Variants in SLC17A1 observed in about 807,000 individuals in gnomAD.
The protein encoded by SLC17A1 is sodium-dependent phosphate transport protein 1.
In SLC17A1, 51 loss-of-function variants were observed where a neutral mutation model predicts 53.5. The observed-to-expected ratio is 0.95, with a 90% CI of 0.76 to 1.20. The LOEUF (loss-of-function observed/expected upper bound fraction) is 1.20. Among genes scored for constraint, SLC17A1 ranks in the 50% most tolerant of loss-of-function variants. SLC17A1 has a pLI of 0.00. For synonymous variants in SLC17A1, 179 were observed against 198.8 expected, an observed-to-expected ratio of 0.90 and a Z score of 0.84; for missense variants, 538 against 568.2, an observed-to-expected ratio of 0.95 and a Z score of 0.54.
intron 10 of SLC17A1, among the ~76,000 whole-genome samples, chr6:25,803,661 C>A (rs566000160): frequency 6.6e-6 from 1 of 151,990 alleles, no homozygotes; most frequent in Non-Finnish European, 1.5e-5. Flanking sequence ...ATTTTGAGCT[C>A]AAAATTAAGT....
intron 12 of SLC17A1, among the ~76,000 whole-genome samples, chr6:25,793,540 AT>A (rs1763545846): frequency 1.3e-5 from 2 of 152,108 alleles, no homozygotes; most frequent in African/African-American, 4.8e-5. Flanking sequence ...GGTGCCTGGA[AT>A]TATCCTGTTT....
At chr6:25,813,454 C>G (rs1026988749) in intron 6 of SLC17A1, among the ~76,000 whole-genome samples, 3 of 152,198 alleles carry the variant, frequency 2.0e-5, no homozygotes, top group African/African-American at 7.2e-5. Context: ...CCACTCCTGA[C>G]AGCTGGACCT....
At chr6:25,816,363 G>A (rs1452725989) in intron 6 of SLC17A1, among the ~76,000 whole-genome samples, 9 of 152,234 alleles carry the variant, frequency 5.9e-5, no homozygotes. Flanking sequence ...CCAGTTGAAT[G>A]GATGTTGGGA....
At chr6:25,775,641 T>A in the SLC17A1 span, among the ~76,000 whole-genome samples, 2 of 152,048 alleles carry the variant, frequency 1.3e-5, no homozygotes. Flanking sequence ...TTGGCTAGGC[T>A]GGTCTCGAAC....
chr6:25,770,580 CT>C, the SLC17A1 span: 6 of 1,033,080 alleles, frequency 5.8e-6, no homozygotes, highest in Admixed American at 9.0e-5. Context: ...CTTCATAGTC[CT>C]TTCCTTAAAG....
chr6:25,757,613 T>C, the SLC17A1 span, among the ~76,000 whole-genome samples: 2 of 152,146 alleles, frequency 1.3e-5, no homozygotes, highest in African/African-American at 4.8e-5. Context: ...GTTGGTTTCT[T>C]GATCCCTTTC....
the SLC17A1 span, chr6:25,731,836 G>A: frequency 3.7e-6 from 6 of 1,602,466 alleles, no homozygotes; most frequent in Middle Eastern, 1.7e-4. Flanking sequence ...GACACAACGT[G>A]CTTGGCTAGT....
At chr6:25,769,853 A>G in the SLC17A1 span, among the ~76,000 whole-genome samples, 1 of 151,414 alleles carries the variant, frequency 6.6e-6, no homozygotes. Context: ...ACTCTCTTAT[A>G]TTTTAATTTT....
rs548961450 is a variant in SLC17A1 at position 25,817,970 on chromosome 6, G to A, written c.616+1098C>T. 5.3e-5 allele frequency among the ~76,000 whole-genome samples: 8 copies of A among 152,258 alleles called. No homozygotes were observed. In the South Asian group the frequency reaches 1.2e-3, roughly 24 times the overall value. Reference sequence around the variant, plus strand: ...CAGCAATGGAATTTTGAGGATGGAAGACATGTTTTCAGATTATGCCTCTGC... The same window carrying A: ...CAGCAATGGAATTTTGAGGATGGAAAACATGTTTTCAGATTATGCCTCTGC... On this transcript the variant is annotated intron_variant, in intron 6 of 12. Transcript: ENST00000244527.
the SLC17A1 span, among the ~76,000 whole-genome samples, chr6:25,774,679 T>C: frequency 6.6e-6 from 1 of 152,146 alleles, no homozygotes; most frequent in African/African-American, 2.4e-5. Context: ...GATTTGTCTT[T>C]GGTGTGAGGC....
At chr6:25,783,649 C>T (rs761470217) in intron 12 of SLC17A1, among the ~76,000 whole-genome samples, 2 of 152,170 alleles carry the variant, frequency 1.3e-5, no homozygotes, top group Non-Finnish European at 2.9e-5. Flanking sequence ...GATACTGCCA[C>T]TCTCCCTAAT....
chr6:25,728,534 C>G, the SLC17A1 span, among the ~76,000 whole-genome samples: 1 of 151,898 alleles, frequency 6.6e-6, no homozygotes, highest in Non-Finnish European at 1.5e-5. Flanking sequence ...AAGTTAGTAC[C>G]GGCCGGCGCG....
the SLC17A1 span, among the ~76,000 whole-genome samples, chr6:25,725,383 A>AAATATATATGCTTACCCAAATTTT: frequency 6.6e-6 from 1 of 152,222 alleles, no homozygotes; most frequent in Admixed American, 6.5e-5. Flanking sequence ...CACAGGTATC[A>AAATATATATGCTTACCCAAATTTT]AATATATATG....
the SLC17A1 span, among the ~76,000 whole-genome samples, chr6:25,735,557 GT>G: frequency 9.2e-5 from 14 of 151,406 alleles, no homozygotes; most frequent in Non-Finnish European, 1.5e-4. Flanking sequence ...AGAGCTAAAA[GT>G]TTTTTCACTT....
chr6:25,730,206 C>A, the SLC17A1 span, among the ~76,000 whole-genome samples: 1 of 152,156 alleles, frequency 6.6e-6, no homozygotes, highest in African/African-American at 2.4e-5. Context: ...GATATCTGTA[C>A]TCCCATGTTC....
the SLC17A1 span, chr6:25,726,120 G>A: frequency 1.3e-6 from 2 of 1,507,972 alleles, no homozygotes; most frequent in African/African-American, 1.4e-5. Context: ...TTTTACCAAT[G>A]ACAACCTTAA....
intron 10 of SLC17A1, among the ~76,000 whole-genome samples, chr6:25,804,098 A>G (rs1171575705): frequency 1.3e-5 from 2 of 152,144 alleles, no homozygotes; most frequent in African/African-American, 4.8e-5. Flanking sequence ...TTAACATATC[A>G]TTAATTAATG....
At chr6:25,755,956 T>C in the SLC17A1 span, among the ~76,000 whole-genome samples, 1 of 152,222 alleles carries the variant, frequency 6.6e-6, no homozygotes, top group South Asian at 2.1e-4. Context: ...TAGCAAGTCT[T>C]AGTGGCATAT....
At chr6:25,744,058 G>T in the SLC17A1 span, among the ~76,000 whole-genome samples, 1 of 152,192 alleles carries the variant, frequency 6.6e-6, no homozygotes, top group African/African-American at 2.4e-5. Flanking sequence ...AGGCACTAGG[G>T]TGTGGCCAGC....
Sources: allele counts gnomAD v4.1 joint callset (sites outside exome capture counted in the v4.1 genomes callset), GRCh38; gene constraint gnomAD v4.1.1; transcripts MANE v1.5; gene names NCBI Gene and HGNC (gene_info 2026-07-23, HGNC 2026-07-21).